Variants in TEK observed in about 807,000 individuals in gnomAD.
TEK encodes the protein angiopoietin-1 receptor.
Under a neutral mutation model 131.8 loss-of-function variants are expected in TEK, and 43 were observed. The observed-to-expected ratio is 0.33, with a 90% CI of 0.26 to 0.42. The LOEUF is 0.42. TEK is among the 10% of genes least tolerant of loss of function. The probability of loss-of-function intolerance (pLI) is 1.00; values close to 1 mark genes in which losing one functional copy is unlikely to be tolerated. For synonymous variants in TEK, 580 were observed against 491.6 expected, an observed-to-expected ratio of 1.18 and a Z score of -2.38; for missense variants, 1,162 against 1,384.4, an observed-to-expected ratio of 0.84 and a Z score of 2.55.
rs117308751 is a variant in TEK, at chr9:27,184,814, G to T, written c.1183-671G>T. ...GTGCTTTGGAAGCCTGAGGTGGGAG[G>T]ATCACTTTAGGCCAGAAATTTGAGA... On this transcript the variant is annotated intron_variant, in intron 8 of 22. Transcript: ENST00000380036. Among the ~76,000 whole-genome samples, 451 of 152,074 alleles carry T rather than the reference G, an allele frequency of 3.0e-3. 2 individuals are homozygous for T. The highest frequency in any genetic ancestry group is 4.9e-3 in the Non-Finnish European group (336 of 67,982).
chr9:27,169,418 A>G, intron 3 of TEK, 59 bp from the exon 4 acceptor site: 6 of 1,609,904 alleles, frequency 3.7e-6, no homozygotes, highest in Non-Finnish European at 4.2e-6. Flanking sequence ...GAGAAACCAG[A>G]CAAGGAAGCA....
At chr9:27,202,753 C>T in intron 12 of TEK, 67 bp from the exon 13 acceptor site, 1 of 1,534,350 alleles carries the variant, frequency 6.5e-7, no homozygotes, top group Non-Finnish European at 9.0e-7. Context: ...AACTCTATCT[C>T]AAAAGCATAA....
chr9:27,195,791 G>A (rs757951045), intron 11 of TEK: 2 of 425,514 alleles, frequency 4.7e-6, no homozygotes, highest in Non-Finnish European at 9.3e-6. Flanking sequence ...GAGTCTGGAA[G>A]ATGGATATTT....
intron 1 of TEK, among the ~76,000 whole-genome samples, chr9:27,109,972 T>A (rs1271450459): frequency 6.0e-5 from 1 of 16,684 alleles, no homozygotes; most frequent in Non-Finnish European, 1.3e-3. Flanking sequence ...TTTTTCTTAT[T>A]GATTTTTTTT....
intron 1 of TEK, among the ~76,000 whole-genome samples, chr9:27,153,750 A>G (rs913534951): frequency 6.6e-6 from 1 of 152,210 alleles, no homozygotes. Context: ...TCTTCTGGCA[A>G]TGATTCTCAG....
chr9:27,109,366 C>T lies in TEK; in HGVS notation c.-225C>T. The T allele has an allele frequency of 1.6e-6, 1 of 622,198 alleles. No individual in the cohort carries two copies. Among genetic ancestry groups the T allele is most frequent in the South Asian group, 2.0e-5 (1 of 50,780 alleles). 38.5% of individuals were successfully genotyped at this position (622,198 alleles called of 1,614,324 possible). On this transcript the variant is annotated 5_prime_UTR_variant, in exon 1 of 23. Coordinates refer to ENST00000380036, the MANE Select transcript of TEK (RefSeq NM_000459.5). Reference sequence around the variant, plus strand: ...GCCTTTAAGATACAGCCTTTCCCATCCTAATCTACAAAGGAAACAGGAAAA... The same window carrying T: ...GCCTTTAAGATACAGCCTTTCCCATTCTAATCTACAAAGGAAACAGGAAAA...
At chr9:27,198,082 C>T (rs1825092995) in intron 12 of TEK, among the ~76,000 whole-genome samples, 1 of 151,874 alleles carries the variant, frequency 6.6e-6, no homozygotes, top group Non-Finnish European at 1.5e-5. Context: ...TTTTGCATTT[C>T]AGGCTTCTCA....
intron 1 of TEK, among the ~76,000 whole-genome samples, chr9:27,141,735 TA>T (rs1822731479): frequency 6.6e-6 from 1 of 152,184 alleles, no homozygotes; most frequent in Non-Finnish European, 1.5e-5. Context: ...AATGACATTT[TA>T]AATCTGAGGT....
At chr9:27,165,963 T>C (rs193285022) in intron 2 of TEK, among the ~76,000 whole-genome samples, 2 of 152,250 alleles carry the variant, frequency 1.3e-5, no homozygotes, top group African/African-American at 4.8e-5. Context: ...CGGAGGCATC[T>C]TTTGCCCTCA....
chr9:27,206,008 C>T (rs1221856274), intron 14 of TEK, among the ~76,000 whole-genome samples: 1 of 152,124 alleles, frequency 6.6e-6, no homozygotes, highest in African/African-American at 2.4e-5. Flanking sequence ...TTCATGGTAG[C>T]ACCAGCAGCT....
intron 1 of TEK, among the ~76,000 whole-genome samples, chr9:27,155,587 C>T (rs1482637588): frequency 4.6e-5 from 7 of 152,168 alleles, no homozygotes; most frequent in African/African-American, 1.4e-4. Context: ...CCATTAAAAA[C>T]AAATTATATG....
At chr9:27,207,578 GTCTTC>G (rs1485624938) in intron 15 of TEK, among the ~76,000 whole-genome samples, 1 of 152,184 alleles carries the variant, frequency 6.6e-6, no homozygotes, top group African/African-American at 2.4e-5. Context: ...TTAGCTAGCT[GTCTTC>G]TCTTCTGCAT....
At chr9:27,221,557 T>G (rs2984157) in intron 21 of TEK, among the ~76,000 whole-genome samples, 118,950 of 152,134 alleles carry the variant, frequency 0.78, 46,738 homozygotes, top group East Asian at 0.89. Flanking sequence ...GGTGCCCCTC[T>G]GGGATGAACC....
In TEK at chr9:27,117,018, C is replaced by T. The variant is rs972430340; in HGVS notation, c.52+7376C>T. Among the ~76,000 whole-genome samples the T allele has an allele frequency of 2.6e-5, 4 of 151,562 alleles. No individual in the cohort carries two copies. In the East Asian group the frequency reaches 7.9e-4, roughly 30 times the overall value. On this transcript the variant is annotated intron_variant, in intron 1 of 22. Coordinates refer to ENST00000380036, the MANE Select transcript of TEK (RefSeq NM_000459.5). ...CTGGGACTACAGGCGCCTGCCACCA[C>T]GCCCAGCTAATTTTTTTTTTTAATT...
At position 27,153,452 on chromosome 9, in the gene TEK, A is replaced by G. The variant is rs546446128; in HGVS notation, c.53-4379A>G. On this transcript the variant is annotated intron_variant, in intron 1 of 22. Transcript: ENST00000380036. The stretch of plus-strand genomic sequence containing the variant: ...GCGACAGGGCGAGACTCCGTCTCAA[A>G]AAAAGAAAAAGTATTTGAGAGATCT... 2.6e-4 allele frequency among the ~76,000 whole-genome samples: 39 copies of G among 152,392 alleles called. No homozygotes were observed. The East Asian group carries it at 6.8e-3, about 26-fold the overall frequency.
At chr9:27,189,001 G>A (rs1824706062) in intron 9 of TEK, among the ~76,000 whole-genome samples, 1 of 152,134 alleles carries the variant, frequency 6.6e-6, no homozygotes, top group Admixed American at 6.6e-5. Context: ...AGACTTGAAG[G>A]TTATGTCTAA....
chr9:27,109,741 G>A (rs1821257550), intron 1 of TEK, 99 bp downstream of exon 1: 12 of 1,229,180 alleles, frequency 9.8e-6, no homozygotes, highest in Non-Finnish European at 1.3e-5. Context: ...TGATGAACAA[G>A]GGGTGGCTGT....
rs902526079 is a variant in TEK at position 27,153,176 on chromosome 9, G to A, written c.53-4655G>A. 5.3e-5 allele frequency among the ~76,000 whole-genome samples: 8 copies of A among 152,166 alleles called. No homozygotes were observed. In the East Asian group the frequency reaches 1.3e-3, roughly 26 times the overall value. On this transcript the variant is annotated intron_variant, in intron 1 of 22. Coordinates refer to ENST00000380036, the MANE Select transcript of TEK (RefSeq NM_000459.5). ...ATTGAAAAAGTGTTTGAGGCTGGGC[G>A]CATGGCTCACACATGTAATCCCAGC... is the stretch of plus-strand genomic sequence containing the variant.
At chr9:27,170,121 G>T (rs1823894925) in intron 4 of TEK, among the ~76,000 whole-genome samples, 1 of 152,148 alleles carries the variant, frequency 6.6e-6, no homozygotes, top group Non-Finnish European at 1.5e-5. Flanking sequence ...AGGAGAGGGG[G>T]AAGCACCATA....
Sources: gnomAD v4.1 joint callset for allele counts (sites outside exome capture counted in the v4.1 genomes callset) on GRCh38, gnomAD v4.1.1 for gene constraint, MANE v1.5 for transcripts, NCBI Gene and HGNC (gene_info 2026-07-23, HGNC 2026-07-21) for gene names.